Variants in CAMKMT observed in about 807,000 individuals in gnomAD.
CAMKMT encodes CaM KMT.
Under a neutral mutation model 48.0 loss-of-function variants are expected in CAMKMT, and 53 were observed. That is an observed-to-expected ratio of 1.10 (90% CI 0.89 to 1.39). The LOEUF (loss-of-function observed/expected upper bound fraction) is 1.39, where lower values mean the gene tolerates loss of function less well. Ranked by LOEUF, CAMKMT falls within the 40% of genes most tolerant of loss-of-function variation. CAMKMT has a pLI of 0.00. For synonymous variants in CAMKMT, 165 were observed against 152.3 expected, an observed-to-expected ratio of 1.08 and a Z score of -0.61; for missense variants, 428 against 402.7, an observed-to-expected ratio of 1.06 and a Z score of -0.54.
intron 3 of CAMKMT, among the ~76,000 whole-genome samples, chr2:44,395,821 G>A (rs1681782536): frequency 6.6e-6 from 1 of 152,054 alleles, no homozygotes; most frequent in African/African-American, 2.4e-5. Context: ...CAAGATAGAA[G>A]ATATTTTTGG....
intron 3 of CAMKMT, among the ~76,000 whole-genome samples, chr2:44,544,396 T>G (rs10170837): frequency 0.52 from 78,657 of 152,004 alleles, 21,162 homozygotes; most frequent in Non-Finnish European, 0.6. Flanking sequence ...TACAATTGAT[T>G]GAGTTACAAA....
chr2:44,420,460 A>G (rs1002972285), intron 3 of CAMKMT, among the ~76,000 whole-genome samples: 43 of 152,282 alleles, frequency 2.8e-4, no homozygotes, highest in African/African-American at 9.9e-4. Flanking sequence ...AAAAATTTGC[A>G]TATAACTTTT....
At chr2:44,448,796 C>T (rs1420818111) in intron 3 of CAMKMT, among the ~76,000 whole-genome samples, 1 of 152,028 alleles carries the variant, frequency 6.6e-6, no homozygotes, top group Non-Finnish European at 1.5e-5. Flanking sequence ...TATATTTATT[C>T]AATGGAATAT....
intron 3 of CAMKMT, among the ~76,000 whole-genome samples, chr2:44,697,690 ATTAT>A (rs1677030390): frequency 6.6e-6 from 1 of 152,158 alleles, no homozygotes; most frequent in African/African-American, 2.4e-5. Flanking sequence ...CATTATAACT[ATTAT>A]TGTAATATTA....
chr2:44,772,357 T>C lies in CAMKMT; in HGVS notation c.*244T>C. 2.5e-6 allele frequency: 1 copy of C among 392,426 alleles called. No individual in the cohort carries two copies. The highest frequency in any genetic ancestry group is 4.5e-6 in the Non-Finnish European group (1 of 219,996). 24.3% of individuals were successfully genotyped at this position (392,426 alleles called of 1,614,324 possible). On this transcript the variant is annotated 3_prime_UTR_variant, in exon 11 of 11. Transcript: ENST00000378494. ...CCCTAAACCTTTGTTTGTCTTTAAA[T>C]GTGTATAAGCTGCCTGTCTGTGACT...
intron 3 of CAMKMT, among the ~76,000 whole-genome samples, chr2:44,560,833 T>A (rs1482406358): frequency 6.6e-6 from 1 of 152,194 alleles, no homozygotes. Context: ...CCTCAAGTTG[T>A]TTCAGAACCC....
chr2:44,689,072 A>G (rs1212579259), intron 3 of CAMKMT, among the ~76,000 whole-genome samples: 2 of 152,280 alleles, frequency 1.3e-5, no homozygotes, highest in East Asian at 3.9e-4. Context: ...CATGAATCAC[A>G]GGTAACTCCA....
chr2:44,521,250 G>C (rs1572704448), intron 3 of CAMKMT, among the ~76,000 whole-genome samples: 1 of 151,886 alleles, frequency 6.6e-6, no homozygotes, highest in East Asian at 1.9e-4. Flanking sequence ...CTTTTATTTT[G>C]AATGACTTTA....
chr2:44,583,765 C>T (rs1669699660), intron 3 of CAMKMT, among the ~76,000 whole-genome samples: 1 of 151,970 alleles, frequency 6.6e-6, no homozygotes, highest in South Asian at 2.1e-4. Flanking sequence ...CACAGCACCG[C>T]ATCCTGGGCA....
intron 3 of CAMKMT, among the ~76,000 whole-genome samples, chr2:44,628,111 TA>T (rs1672598622): frequency 6.6e-6 from 1 of 152,138 alleles, no homozygotes; most frequent in South Asian, 2.1e-4. Flanking sequence ...CGTGCATGGC[TA>T]ATTTTTAAAT....
At chr2:44,621,385 T>C (rs61326631) in intron 3 of CAMKMT, among the ~76,000 whole-genome samples, 18,490 of 151,858 alleles carry the variant, frequency 0.12, 1,306 homozygotes, top group Admixed American at 0.22. Context: ...GCTCTACCTG[T>C]GTTCCTGATT....
intron 3 of CAMKMT, among the ~76,000 whole-genome samples, chr2:44,392,408 A>G (rs774897430): frequency 1.3e-5 from 2 of 152,156 alleles, no homozygotes; most frequent in Admixed American, 6.5e-5. Context: ...CCAATAAAGT[A>G]AATATTGATT....
In CAMKMT at chr2:44,651,650, A is replaced by T. The variant is rs72867778; in HGVS notation, c.377-52633A>T. On this transcript the variant is annotated intron_variant, in intron 3 of 10. Coordinates refer to ENST00000378494, the MANE Select transcript of CAMKMT (RefSeq NM_024766.5). ...AGTTATGGTAAATTTAAAAGTATGC[A>T]TGTGGAAAAAGTCAGCAACAGTGAG... Among the ~76,000 whole-genome samples the T allele has an allele frequency of 8.5e-3, 1,288 of 152,336 alleles. 12 individuals carry two copies. Among genetic ancestry groups the T allele is most frequent in the African/African-American group, 0.024 (992 of 41,584 alleles).
chr2:44,516,578 A>G (rs867917218), intron 3 of CAMKMT, among the ~76,000 whole-genome samples: 2 of 152,146 alleles, frequency 1.3e-5, no homozygotes, highest in Non-Finnish European at 2.9e-5. Flanking sequence ...GAGATATACT[A>G]TTAACTCATT....
At chr2:44,476,196 C>T (rs1236736017) in intron 3 of CAMKMT, among the ~76,000 whole-genome samples, 2 of 151,834 alleles carry the variant, frequency 1.3e-5, no homozygotes, top group Non-Finnish European at 2.9e-5. Context: ...AAGAAAATTA[C>T]AGTTTTTAAA....
chr2:44,672,097 C>T (rs980468187), intron 3 of CAMKMT, among the ~76,000 whole-genome samples: 1 of 152,190 alleles, frequency 6.6e-6, no homozygotes, highest in Non-Finnish European at 1.5e-5. Context: ...CCCCATCCGC[C>T]TCACTCCCCA....
At chr2:44,549,686 T>G in intron 3 of CAMKMT, 7 of 559,642 alleles carry the variant, frequency 1.3e-5, no homozygotes, top group Non-Finnish European at 2.2e-5. Context: ...TCTTGCTTAT[T>G]TATTGGCTTA....
At chr2:44,487,131 TA>T (rs1276823458) in intron 3 of CAMKMT, among the ~76,000 whole-genome samples, 1 of 151,918 alleles carries the variant, frequency 6.6e-6, no homozygotes, top group African/African-American at 2.4e-5. Flanking sequence ...GTGGTCAAAA[TA>T]AAAAAAAGTT....
chr2:44,591,655 C>G (rs1176750508), intron 3 of CAMKMT, among the ~76,000 whole-genome samples: 1 of 151,620 alleles, frequency 6.6e-6, no homozygotes, highest in Non-Finnish European at 1.5e-5. Flanking sequence ...GTCAGTGTGG[C>G]GATTCCTCAG....
Sources: gnomAD v4.1 joint callset for allele counts (sites outside exome capture counted in the v4.1 genomes callset) on GRCh38, gnomAD v4.1.1 for gene constraint, MANE v1.5 for transcripts, NCBI Gene and HGNC (gene_info 2026-07-23, HGNC 2026-07-21) for gene names.